The following SMYD3 variants were observed in gnomAD, a reference collection of about 807,000 sequenced individuals.
SMYD3 encodes the protein histone-lysine N-methyltransferase SMYD3.
In SMYD3, 36 loss-of-function variants were observed where a neutral mutation model predicts 57.7. That is an observed-to-expected ratio of 0.62 (90% CI 0.48 to 0.82). SMYD3 has a LOEUF of 0.82. SMYD3 is among the 40% of genes least tolerant of loss of function. The pLI, the probability that SMYD3 is intolerant of heterozygous loss-of-function variation, is 0.00. For synonymous variants in SMYD3, 211 were observed against 195.0 expected (o/e 1.08, Z -0.68); for missense variants, 515 against 538.8 (o/e 0.96, Z 0.44).
intron 1 of SMYD3, among the ~76,000 whole-genome samples, chr1:246,481,629 T>C (rs141414028): frequency 0.23 from 23,259 of 102,302 alleles, 3,493 homozygotes; most frequent in Middle Eastern, 0.33. Context: ...TATACATACA[T>C]ACATACACAT....
intron 5 of SMYD3, among the ~76,000 whole-genome samples, chr1:245,946,461 C>T (rs774961159): frequency 3.9e-5 from 6 of 152,204 alleles, no homozygotes; most frequent in Non-Finnish European, 8.8e-5. Flanking sequence ...CCTCAAAGCA[C>T]TTCACCTCAC....
intron 5 of SMYD3, among the ~76,000 whole-genome samples, chr1:245,936,644 C>A (rs2056992886): frequency 6.6e-6 from 1 of 152,162 alleles, no homozygotes; most frequent in Non-Finnish European, 1.5e-5. Flanking sequence ...CCTGTAATCC[C>A]AGTACTTTGG....
chr1:245,909,460 C>G (rs976127393), intron 8 of SMYD3, among the ~76,000 whole-genome samples: 1 of 151,860 alleles, frequency 6.6e-6, no homozygotes, highest in African/African-American at 2.4e-5. Context: ...TATATAAAAC[C>G]AGCATTATGT....
At chr1:246,344,481 T>G (rs1352929847) in intron 2 of SMYD3, among the ~76,000 whole-genome samples, 1 of 152,226 alleles carries the variant, frequency 6.6e-6, no homozygotes, top group Non-Finnish European at 1.5e-5. Context: ...ATCTCTTTAT[T>G]CATTTACCTG....
intron 10 of SMYD3, among the ~76,000 whole-genome samples, chr1:245,822,147 C>G (rs1398829590): frequency 3.3e-5 from 5 of 152,088 alleles, no homozygotes; most frequent in Non-Finnish European, 7.4e-5. Flanking sequence ...GGAACCAACC[C>G]AAATGTCCAA....
At chr1:245,753,291 T>C (rs1287969449) in intron 11 of SMYD3, among the ~76,000 whole-genome samples, 1 of 150,382 alleles carries the variant, frequency 6.6e-6, no homozygotes, top group Non-Finnish European at 1.5e-5. Context: ...GTCTAGAAAG[T>C]AAAACGCCAT....
At chr1:246,040,322 A>G (rs1223078113) in intron 5 of SMYD3, among the ~76,000 whole-genome samples, 1 of 152,256 alleles carries the variant, frequency 6.6e-6, no homozygotes, top group Non-Finnish European at 1.5e-5. Context: ...ACACCCCACC[A>G]TCACAGCTTA....
chr1:245,821,733 A>G (rs1307710877), intron 10 of SMYD3, among the ~76,000 whole-genome samples: 10 of 152,046 alleles, frequency 6.6e-5, no homozygotes, highest in Admixed American at 2.0e-4. Flanking sequence ...AAAAGTGGGC[A>G]AAGGACATGA....
At chr1:246,082,540 C>T (rs772850329) in intron 5 of SMYD3, among the ~76,000 whole-genome samples, 7 of 152,076 alleles carry the variant, frequency 4.6e-5, no homozygotes, top group African/African-American at 7.2e-5. Context: ...GCCCCTTGCC[C>T]GCCAAACTGT....
In SMYD3 at chr1:245,824,621, C is replaced by G. The variant is rs541237556; in HGVS notation, c.1076+33875G>C. 8.5e-5 allele frequency among the ~76,000 whole-genome samples: 13 copies of G among 152,226 alleles called. No individual in the cohort carries two copies. The South Asian group carries it at 2.5e-3, about 29-fold the overall frequency. On this transcript the variant is annotated intron_variant, in intron 10 of 11. Transcript: ENST00000490107. Reference sequence around the variant, plus strand: ...CTGTAATCCCAGCACTTTGGGACGTCAAGGCAGGCGGATCACCTGAGGTTG... The same window carrying G: ...CTGTAATCCCAGCACTTTGGGACGTGAAGGCAGGCGGATCACCTGAGGTTG...
At chr1:246,361,487 C>T (rs1357854969) in intron 1 of SMYD3, among the ~76,000 whole-genome samples, 1 of 152,178 alleles carries the variant, frequency 6.6e-6, no homozygotes, top group Non-Finnish European at 1.5e-5. Context: ...AAAAAAGATA[C>T]CTGCATACAC....
intron 5 of SMYD3, among the ~76,000 whole-genome samples, chr1:245,993,517 T>C (rs987886849): frequency 3.9e-5 from 6 of 151,966 alleles, no homozygotes; most frequent in African/African-American, 1.5e-4. Context: ...GGAGGATCAC[T>C]TGAGCCCACG....
At position 246,359,724 on chromosome 1, in the gene SMYD3, A is replaced by C. The variant is rs189722706; in HGVS notation, c.165-4630T>G. Among the ~76,000 whole-genome samples, 80 of 152,324 alleles carry C rather than the reference A, an allele frequency of 5.3e-4. 3 individuals are homozygous for C. The highest frequency in any genetic ancestry group is 5.0e-3 in the Admixed American group (76 of 15,302). On this transcript the variant is annotated intron_variant, in intron 1 of 11. Transcript: ENST00000490107. ...AAAACAAGAATCACATGATCATCTC[A>C]ATAGATGCAGAAAAAGCATTTGACA...
chr1:245,822,855 G>C (rs2049253134), intron 10 of SMYD3, among the ~76,000 whole-genome samples: 1 of 152,126 alleles, frequency 6.6e-6, no homozygotes, highest in Non-Finnish European at 1.5e-5. Context: ...AATCTTCCTA[G>C]GAAAGACTCT....
chr1:245,978,014 G>T (rs1309341109), intron 5 of SMYD3, among the ~76,000 whole-genome samples: 2 of 147,080 alleles, frequency 1.4e-5, no homozygotes, highest in Admixed American at 6.8e-5. Flanking sequence ...AGAGCCAGGT[G>T]CAAGCCCAGT....
At chr1:245,950,341 C>G (rs1338296393) in intron 5 of SMYD3, among the ~76,000 whole-genome samples, 1 of 152,146 alleles carries the variant, frequency 6.6e-6, no homozygotes, top group African/African-American at 2.4e-5. Context: ...TAATCTTTCT[C>G]CCCCAGTGCA....
At chr1:246,062,047 A>G (rs2060263022) in intron 5 of SMYD3, among the ~76,000 whole-genome samples, 1 of 152,218 alleles carries the variant, frequency 6.6e-6, no homozygotes, top group African/African-American at 2.4e-5. Flanking sequence ...TTAGGATCTC[A>G]ACAACCTCAA....
At chr1:246,150,942 G>GTTA (rs1434239927) in intron 5 of SMYD3, among the ~76,000 whole-genome samples, 6 of 152,166 alleles carry the variant, frequency 3.9e-5, no homozygotes, top group Admixed American at 2.6e-4. Context: ...CTCTAGAGAA[G>GTTA]TTATTACTCA....
chr1:246,162,974 A>C (rs1041244494), intron 5 of SMYD3, among the ~76,000 whole-genome samples: 4 of 152,218 alleles, frequency 2.6e-5, no homozygotes, highest in Non-Finnish European at 5.9e-5. Flanking sequence ...TTGCACATTT[A>C]ACCACCTTCA....
Sources: allele counts gnomAD v4.1 joint callset (sites outside exome capture counted in the v4.1 genomes callset), GRCh38; gene constraint gnomAD v4.1.1; transcripts MANE v1.5; gene names NCBI Gene and HGNC (gene_info 2026-07-23, HGNC 2026-07-21).